The following TBL1XR1 variants were observed in gnomAD, a reference collection of about 807,000 sequenced individuals.
The protein encoded by TBL1XR1 is TBL1X/Y related 1.
A neutral mutation model predicts 66.9 loss-of-function variants in TBL1XR1; 5 were observed. The observed-to-expected ratio is 0.07, with a 90% CI of 0.04 to 0.16. The LOEUF (loss-of-function observed/expected upper bound fraction) is 0.16. Ranked by LOEUF, TBL1XR1 falls within the 10% of genes least tolerant of loss-of-function variation. The pLI is 1.00. For synonymous variants in TBL1XR1, 210 were observed against 206.0 expected (o/e 1.02, Z -0.17); for missense variants, 238 against 623.2 (o/e 0.38, Z 6.58).
chr3:177,086,939 A>G (rs1237637117), intron 2 of TBL1XR1: 1 of 151,430 alleles, frequency 6.6e-6, no homozygotes, highest in Non-Finnish European at 1.5e-5. Flanking sequence ...AGGTTATTTA[A>G]AAAATCATAT....
chr3:177,047,253 T>C (rs372616917), intron 9 of TBL1XR1, 47 bp downstream of exon 9: 1 of 1,453,024 alleles, frequency 6.9e-7, no homozygotes, highest in African/African-American at 1.4e-5. Context: ...TGCTTTCAAT[T>C]AAGCTCTGTA....
intron 10 of TBL1XR1, among the ~76,000 whole-genome samples, chr3:177,042,369 ATGTT>A (rs1227051601): frequency 1.3e-5 from 2 of 152,214 alleles, no homozygotes; most frequent in South Asian, 4.2e-4. Context: ...AGCCTGCAAA[ATGTT>A]AGAGAGGAGG....
At chr3:177,110,599 A>G (rs1725435364) in intron 1 of TBL1XR1, among the ~76,000 whole-genome samples, 1 of 152,130 alleles carries the variant, frequency 6.6e-6, no homozygotes, top group African/African-American at 2.4e-5. Context: ...AACTATGAAG[A>G]CACTAAGCTG....
intron 1 of TBL1XR1, among the ~76,000 whole-genome samples, chr3:177,166,580 C>T (rs1374376338): frequency 6.6e-6 from 1 of 152,140 alleles, no homozygotes; most frequent in Non-Finnish European, 1.5e-5. Flanking sequence ...ACTTCTCTTC[C>T]TTCACACTCT....
At chr3:177,053,073 G>GC (rs1179229456) in intron 4 of TBL1XR1, among the ~76,000 whole-genome samples, 1 of 152,212 alleles carries the variant, frequency 6.6e-6, no homozygotes, top group African/African-American at 2.4e-5. Context: ...CCACACTCCA[G>GC]CCTGGGCAAC....
chr3:177,117,460 GCA>G (rs1262307842), intron 1 of TBL1XR1, among the ~76,000 whole-genome samples: 1 of 152,108 alleles, frequency 6.6e-6, no homozygotes, highest in Non-Finnish European at 1.5e-5. Context: ...TGAATTATCT[GCA>G]CAGTCTAAAA....
In TBL1XR1 at chr3:177,099,708, G is replaced by C. The variant is rs1241388845; in HGVS notation, c.-121-1167C>G. 4.6e-5 allele frequency among the ~76,000 whole-genome samples: 7 copies of C among 152,356 alleles called. No homozygotes were observed. In the East Asian group the frequency reaches 1.3e-3, roughly 29 times the overall value. ...TAGGTCCTTTCTAGCACAGACTGAG[G>C]AAATGTTCTTTACACATCATGACTA... is the stretch of plus-strand genomic sequence containing the variant. On this transcript the variant is annotated intron_variant, in intron 1 of 15. Transcript: ENST00000457928.
chr3:177,191,403 G>A (rs961356691), intron 1 of TBL1XR1, among the ~76,000 whole-genome samples: 1 of 152,142 alleles, frequency 6.6e-6, no homozygotes, highest in African/African-American at 2.4e-5. Context: ...TAACAACACT[G>A]GCCTAGAATT....
intron 1 of TBL1XR1, among the ~76,000 whole-genome samples, chr3:177,188,854 A>G (rs1560281326): frequency 6.6e-6 from 1 of 152,244 alleles, no homozygotes; most frequent in Non-Finnish European, 1.5e-5. Context: ...AGAGCTTTCA[A>G]TCTAACTCAT....
At chr3:177,169,554 T>C (rs1314986922) in intron 1 of TBL1XR1, among the ~76,000 whole-genome samples, 1 of 152,192 alleles carries the variant, frequency 6.6e-6, no homozygotes. Flanking sequence ...TACATGTATA[T>C]TCAGGCAATG....
chr3:177,147,433 A>G (rs1730385322), intron 1 of TBL1XR1, among the ~76,000 whole-genome samples: 1 of 152,204 alleles, frequency 6.6e-6, no homozygotes, highest in Non-Finnish European at 1.5e-5. Flanking sequence ...TTTCCTAACC[A>G]GCAAGTTTTC....
At chr3:177,181,681 C>T (rs1003720667) in intron 1 of TBL1XR1, among the ~76,000 whole-genome samples, 1 of 152,056 alleles carries the variant, frequency 6.6e-6, no homozygotes, top group African/African-American at 2.4e-5. Context: ...TATACACATC[C>T]TTTGACCTCT....
At chr3:177,186,894 T>TCAGGAGTTCGGCCGGGCGC (rs1735481887) in intron 1 of TBL1XR1, among the ~76,000 whole-genome samples, 2 of 151,646 alleles carry the variant, frequency 1.3e-5, no homozygotes, top group Admixed American at 6.6e-5. Context: ...CGGCCAGGCG[T>TCAGGAGTTCGGCCGGGCGC]GGTGGCTCAC....
At position 177,114,992 on chromosome 3, in the gene TBL1XR1, ATAAT is replaced by A. The variant is rs1560192402; in HGVS notation, c.-121-16455_-121-16452del. Among the ~76,000 whole-genome samples, 7 of 151,536 alleles carry A rather than the reference ATAAT, an allele frequency of 4.6e-5. No homozygotes were observed. In the South Asian group the frequency reaches 1.5e-3, roughly 32 times the overall value. The stretch of plus-strand genomic sequence containing the variant: ...AGACCTTGTCACTTTGGGGAAAAAA[ATAAT>A]AATAATAATAATAATGATTTTTAAT... On this transcript the variant is annotated intron_variant, in intron 1 of 15. Transcript: ENST00000457928.
At chr3:177,159,795 T>C (rs1731953577) in intron 1 of TBL1XR1, among the ~76,000 whole-genome samples, 1 of 152,082 alleles carries the variant, frequency 6.6e-6, no homozygotes. Flanking sequence ...TGGCCACTGT[T>C]TCCAAGTGAA....
intron 1 of TBL1XR1, among the ~76,000 whole-genome samples, chr3:177,149,954 T>C (rs890629106): frequency 6.6e-6 from 1 of 152,356 alleles, no homozygotes; most frequent in Admixed American, 6.5e-5. Context: ...GAAACGTCAA[T>C]TTAAATAAAT....
chr3:177,102,544 T>A (rs2108682563), intron 1 of TBL1XR1, among the ~76,000 whole-genome samples: 1 of 152,328 alleles, frequency 6.6e-6, no homozygotes, highest in East Asian at 1.9e-4. Flanking sequence ...AAACTTAAGG[T>A]GCATTTAAGA....
intron 1 of TBL1XR1, among the ~76,000 whole-genome samples, chr3:177,171,136 T>C (rs1733438780): frequency 1.3e-5 from 2 of 148,952 alleles, no homozygotes; most frequent in African/African-American, 5.0e-5. Context: ...AGGTCAGGTG[T>C]TTAAGACACA....
chr3:177,027,859 C>T (rs569583785), intron 14 of TBL1XR1: 2 of 152,024 alleles, frequency 1.3e-5, no homozygotes, highest in South Asian at 4.1e-4. Context: ...GTATAGTAGG[C>T]TTTGAGTATC....
Sources: allele counts gnomAD v4.1 joint callset (sites outside exome capture counted in the v4.1 genomes callset), GRCh38; gene constraint gnomAD v4.1.1; transcripts MANE v1.5; gene names NCBI Gene and HGNC (gene_info 2026-07-23, HGNC 2026-07-21).